DLG2: variants seen among roughly 807,000 people sequenced by gnomAD.
The protein encoded by DLG2 is disks large homolog 2.
Under a neutral mutation model 132.5 loss-of-function variants are expected in DLG2, and 45 were observed. The ratio of observed to expected loss-of-function variants is 0.34; its 90% CI spans 0.27 to 0.44. The LOEUF is 0.44. Among genes scored for constraint, DLG2 ranks in the 20% least tolerant of loss-of-function variants. DLG2 has a pLI of 1.00. For synonymous variants in DLG2, 424 were observed against 419.6 expected (o/e 1.01, Z -0.13); for missense variants, 1,045 against 1,196.9 (o/e 0.87, Z 1.87).
chr11:83,846,994 T>C (rs1296523521), intron 16 of DLG2, among the ~76,000 whole-genome samples: 1 of 151,574 alleles, frequency 6.6e-6, no homozygotes, highest in East Asian at 1.9e-4. Flanking sequence ...TTTCATAATG[T>C]TTTGGTTGCC....
At position 85,368,834 on chromosome 11, in the gene DLG2, A is replaced by C. The variant is rs904592379; in HGVS notation, c.41-83469T>G. ...TAACCAGCCTGCCCACTGCGGTGGA[A>C]CCGCAGGAAGTTCACAACATTTGCA... On this transcript the variant is annotated intron_variant, in intron 3 of 27. Coordinates refer to ENST00000376104, the MANE Select transcript of DLG2 (RefSeq NM_001142699.3). Among the ~76,000 whole-genome samples the C allele has an allele frequency of 2.6e-5, 4 of 152,228 alleles. No individual in the cohort carries two copies. In the East Asian group the frequency reaches 7.7e-4, roughly 29 times the overall value.
chr11:84,223,742 C>A (rs1046016942), intron 8 of DLG2, among the ~76,000 whole-genome samples: 3 of 151,922 alleles, frequency 2.0e-5, no homozygotes, highest in Non-Finnish European at 4.4e-5. Flanking sequence ...TTTTTAGTAG[C>A]GATGGGGTTT....
At chr11:84,776,346 A>G (rs2070489883) in intron 6 of DLG2, among the ~76,000 whole-genome samples, 1 of 152,040 alleles carries the variant, frequency 6.6e-6, no homozygotes, top group Non-Finnish European at 1.5e-5. Context: ...TTGTACTGAC[A>G]GGGTCTCCTT....
chr11:85,024,606 C>T (rs1023781494), intron 6 of DLG2, among the ~76,000 whole-genome samples: 1 of 152,164 alleles, frequency 6.6e-6, no homozygotes, highest in African/African-American at 2.4e-5. Context: ...CACCATCGTA[C>T]TTTAAATGTG....
chr11:84,571,565 A>G (rs1168529376), intron 6 of DLG2, among the ~76,000 whole-genome samples: 5 of 152,074 alleles, frequency 3.3e-5, no homozygotes, highest in African/African-American at 9.7e-5. Flanking sequence ...CCTGCTCACC[A>G]GATATCAAAT....
At chr11:84,557,661 A>AT (rs61435705) in intron 6 of DLG2, among the ~76,000 whole-genome samples, 5,648 of 145,094 alleles carry the variant, frequency 0.039, 331 homozygotes, top group African/African-American at 0.13. Context: ...ACAATGTACC[A>AT]TTTTTTTTTT....
At chr11:84,516,758 T>TA (rs919469756) in intron 7 of DLG2, among the ~76,000 whole-genome samples, 4 of 149,744 alleles carry the variant, frequency 2.7e-5, no homozygotes, top group African/African-American at 7.3e-5. Context: ...ACATGATATA[T>TA]AAAAAAAAGA....
At chr11:84,845,693 T>TC (rs1382005373) in intron 6 of DLG2, among the ~76,000 whole-genome samples, 1 of 151,492 alleles carries the variant, frequency 6.6e-6, no homozygotes, top group Non-Finnish European at 1.5e-5. Context: ...TTTTTTTTTT[T>TC]TTTTTGACAC....
intron 10 of DLG2, among the ~76,000 whole-genome samples, chr11:84,060,581 C>A (rs1439133689): frequency 6.6e-6 from 1 of 150,526 alleles, no homozygotes; most frequent in African/African-American, 2.5e-5. Context: ...AATAATTTGA[C>A]ATTTCCATAA....
intron 7 of DLG2, among the ~76,000 whole-genome samples, chr11:84,445,799 C>A (rs959546134): frequency 6.6e-6 from 1 of 151,566 alleles, no homozygotes; most frequent in Non-Finnish European, 1.5e-5. Flanking sequence ...GCCTGTAGTC[C>A]CAGCTGCTCG....
intron 6 of DLG2, among the ~76,000 whole-genome samples, chr11:84,905,015 A>G (rs2091345803): frequency 6.6e-6 from 1 of 152,116 alleles, no homozygotes. Context: ...AGCTTGGATT[A>G]TAGGCGTGCA....
At chr11:84,278,825 TTTA>T (rs1424345660) in intron 7 of DLG2, among the ~76,000 whole-genome samples, 1 of 151,878 alleles carries the variant, frequency 6.6e-6, no homozygotes, top group Non-Finnish European at 1.5e-5. Flanking sequence ...ATTTATTTAT[TTTA>T]TTATACTTTA....
chr11:84,721,502 T>C (rs1307608706), intron 6 of DLG2, among the ~76,000 whole-genome samples: 1 of 151,550 alleles, frequency 6.6e-6, no homozygotes, highest in Non-Finnish European at 1.5e-5. Flanking sequence ...ATTGTTTGTT[T>C]GTTTTTTTGT....
intron 7 of DLG2, among the ~76,000 whole-genome samples, chr11:84,503,080 T>C (rs1430821630): frequency 6.6e-6 from 1 of 152,160 alleles, no homozygotes; most frequent in African/African-American, 2.4e-5. Flanking sequence ...TTTCTAATAA[T>C]GATTTGAAGG....
chr11:85,519,947 A>G (rs766671967), intron 3 of DLG2, among the ~76,000 whole-genome samples: 2 of 152,190 alleles, frequency 1.3e-5, no homozygotes, highest in African/African-American at 2.4e-5. Context: ...AGCCACGTAG[A>G]ACTGTAAGTC....
At chr11:85,111,906 A>G (rs1288402700) in intron 5 of DLG2, among the ~76,000 whole-genome samples, 171 bp from the exon 6 acceptor site, 1 of 152,120 alleles carries the variant, frequency 6.6e-6, no homozygotes, top group Non-Finnish European at 1.5e-5. Flanking sequence ...TTCTACTCTT[A>G]TCAAAGCATA....
chr11:83,677,010 A>T (rs916080336), intron 18 of DLG2, among the ~76,000 whole-genome samples: 2 of 152,270 alleles, frequency 1.3e-5, no homozygotes, highest in Middle Eastern at 3.4e-3. Flanking sequence ...ACTAGAACAC[A>T]TGGCTTTCCC....
chr11:85,505,962 C>G (rs1026147942), intron 3 of DLG2, among the ~76,000 whole-genome samples: 1 of 152,078 alleles, frequency 6.6e-6, no homozygotes, highest in African/African-American at 2.4e-5. Context: ...GTGTATGTGT[C>G]CAGGAATTTA....
rs564311150 is a variant in DLG2, at chr11:84,302,742, G to C, written c.520-51451C>G. Among the ~76,000 whole-genome samples the C allele has an allele frequency of 3.9e-5, 6 of 152,102 alleles. No individual in the cohort carries two copies. In the South Asian group the frequency reaches 1.2e-3, roughly 32 times the overall value. ...GTTTTTTAAGTAGCTAAAATATTCAGTTTTAAACTAAAAGGATTTATGATT... is the reference window on the plus strand; with the variant it reads ...GTTTTTTAAGTAGCTAAAATATTCACTTTTAAACTAAAAGGATTTATGATT... On this transcript the variant is annotated intron_variant, in intron 7 of 27. Transcript: ENST00000376104.
Sources: gnomAD v4.1 joint callset for allele counts (sites outside exome capture counted in the v4.1 genomes callset) on GRCh38, gnomAD v4.1.1 for gene constraint, MANE v1.5 for transcripts, NCBI Gene and HGNC (gene_info 2026-07-23, HGNC 2026-07-21) for gene names.